The following NDST3 variants were observed in gnomAD, a reference collection of about 807,000 sequenced individuals.
The protein encoded by NDST3 is N-deacetylase and N-sulfotransferase 3.
NDST3 carries 58 observed loss-of-function variants against 96.1 expected under a neutral mutation model. That is an observed-to-expected ratio of 0.60 (90% CI 0.49 to 0.75). The LOEUF (loss-of-function observed/expected upper bound fraction) is 0.75, where lower values mean the gene tolerates loss of function less well. NDST3 is among the 30% of genes least tolerant of loss of function. NDST3 has a pLI of 0.00. For synonymous variants in NDST3, 333 were observed against 359.7 expected (o/e 0.93, Z 0.84); for missense variants, 788 against 1,034.2 (o/e 0.76, Z 3.27).
intron 1 of NDST3, among the ~76,000 whole-genome samples, chr4:118,036,878 T>G (rs977548667): frequency 6.6e-6 from 1 of 152,252 alleles, no homozygotes; most frequent in Non-Finnish European, 1.5e-5. Context: ...CTATAATTCT[T>G]GATTACCTGT....
intron 2 of NDST3, among the ~76,000 whole-genome samples, chr4:118,060,001 A>G (rs1238443350): frequency 6.6e-6 from 1 of 152,086 alleles, no homozygotes; most frequent in African/African-American, 2.4e-5. Flanking sequence ...TGCTAGATTT[A>G]CTTTATAACT....
At chr4:118,212,760 C>A (rs190528284) in intron 6 of NDST3, among the ~76,000 whole-genome samples, 1 of 152,090 alleles carries the variant, frequency 6.6e-6, no homozygotes, top group East Asian at 1.9e-4. Context: ...CAAATGAGCT[C>A]CAAAGTATAA....
At chr4:118,165,078 A>C (rs1735452789) in intron 6 of NDST3, among the ~76,000 whole-genome samples, 1 of 152,136 alleles carries the variant, frequency 6.6e-6, no homozygotes, top group South Asian at 2.1e-4. Context: ...GTGCTTCCCT[A>C]TCAGTAGTTA....
At chr4:118,222,679 A>G (rs944823472) in intron 6 of NDST3, among the ~76,000 whole-genome samples, 2 of 152,054 alleles carry the variant, frequency 1.3e-5, no homozygotes, top group South Asian at 2.1e-4. Context: ...TCAACACCTT[A>G]TAAGTATCAC....
At chr4:118,091,618 T>C (rs1258096240) in intron 2 of NDST3, among the ~76,000 whole-genome samples, 1 of 151,634 alleles carries the variant, frequency 6.6e-6, no homozygotes, top group Non-Finnish European at 1.5e-5. Context: ...TCTACTCAGG[T>C]TCTGGTGGCC....
At position 118,168,537 on chromosome 4, in the gene NDST3, TG is replaced by T. The variant is rs1168688702; in HGVS notation, c.1539+24855del. On this transcript the variant is annotated intron_variant, in intron 6 of 13. Coordinates refer to ENST00000296499, the MANE Select transcript of NDST3 (RefSeq NM_004784.3). ...GTACACAGTTGGTAAGAATGTAAAA[TG>T]GTACGGCTGCTATGGAAAACTATGG... is the stretch of plus-strand genomic sequence containing the variant. Among the ~76,000 whole-genome samples, 24 of 151,936 alleles carry T rather than the reference TG, an allele frequency of 1.6e-4. 1 individual carries two copies. The highest frequency in any genetic ancestry group is 1.4e-3 in the Admixed American group (22 of 15,234).
At chr4:118,217,370 T>G (rs1007463880) in intron 6 of NDST3, among the ~76,000 whole-genome samples, 5 of 152,042 alleles carry the variant, frequency 3.3e-5, no homozygotes, top group Admixed American at 3.3e-4. Context: ...AATGAGGCAC[T>G]TATGAGAGGG....
intron 2 of NDST3, among the ~76,000 whole-genome samples, chr4:118,066,127 TA>T (rs1560617486): frequency 3.8e-4 from 20 of 52,998 alleles, no homozygotes; most frequent in African/African-American, 1.1e-3. Flanking sequence ...ATATTATATA[TA>T]TTATATAATA....
intron 1 of NDST3, among the ~76,000 whole-genome samples, chr4:118,049,593 A>C (rs1443369498): frequency 6.6e-6 from 1 of 151,958 alleles, no homozygotes; most frequent in Non-Finnish European, 1.5e-5. Context: ...TACTATGAAT[A>C]TCTCTACTCA....
intron 1 of NDST3, among the ~76,000 whole-genome samples, chr4:118,036,916 A>T (rs1724185826): frequency 6.6e-6 from 1 of 152,174 alleles, no homozygotes; most frequent in Admixed American, 6.5e-5. Context: ...AAAATCAATT[A>T]TTGCAGTCCT....
intron 6 of NDST3, among the ~76,000 whole-genome samples, chr4:118,179,248 T>A (rs1293490663): frequency 6.6e-6 from 1 of 152,028 alleles, no homozygotes; most frequent in Non-Finnish European, 1.5e-5. Flanking sequence ...AGTCAGTATA[T>A]TTGCTTGTAA....
rs1213211080 is a variant in NDST3 at position 118,095,435 on chromosome 4, G to C, written c.982-9583G>C. Among the ~76,000 whole-genome samples, 4 of 151,782 alleles carry C rather than the reference G, an allele frequency of 2.6e-5. No individual in the cohort carries two copies. The East Asian group carries it at 7.7e-4, about 29-fold the overall frequency. Reference sequence around the variant, plus strand: ...CTTCTGGACAGTTTTCTTAAAGTCAGTGTAAAGAGCATAGGACATGTATTG... The same window carrying C: ...CTTCTGGACAGTTTTCTTAAAGTCACTGTAAAGAGCATAGGACATGTATTG... On this transcript the variant is annotated intron_variant, in intron 2 of 13. Coordinates refer to ENST00000296499, the MANE Select transcript of NDST3 (RefSeq NM_004784.3).
chr4:118,112,588 T>A (rs1730726882), intron 3 of NDST3, among the ~76,000 whole-genome samples: 1 of 152,220 alleles, frequency 6.6e-6, no homozygotes, highest in Admixed American at 6.5e-5. Context: ...CAGGGGAGTA[T>A]CTTGGTTAGA....
rs930643839 is a variant in NDST3 at position 118,205,886 on chromosome 4, G to A, written c.1540-18605G>A. On this transcript the variant is annotated intron_variant, in intron 6 of 13. Transcript: ENST00000296499. ...CTCGCTCTGTCACCCAGGCTGGAGT[G>A]CAGTGCCGCGATCTCGGCTCACTGC... 1.5e-5 allele frequency among the ~76,000 whole-genome samples: 2 copies of A among 134,620 alleles called. 1 individual carries two copies. The highest frequency in any genetic ancestry group is 1.5e-4 in the Admixed American group (2 of 13,374). The allele number at this position is 134,620 out of a possible 152,430, so 88.3% of individuals were successfully genotyped here. A position where few individuals can be genotyped will look rare whatever the true frequency, so the allele number is the denominator to read the frequency against.
At chr4:118,080,206 G>A (rs1425229341) in intron 2 of NDST3, among the ~76,000 whole-genome samples, 2 of 152,076 alleles carry the variant, frequency 1.3e-5, no homozygotes, top group Non-Finnish European at 2.9e-5. Context: ...AACGGGATGG[G>A]GAGGGTGGGA....
At chr4:118,233,577 T>C (rs1011851018) in intron 9 of NDST3, among the ~76,000 whole-genome samples, 2 of 152,188 alleles carry the variant, frequency 1.3e-5, no homozygotes, top group Admixed American at 6.5e-5. Flanking sequence ...ACTAGAAATG[T>C]TTGTATATTA....
chr4:118,153,807 G>A (rs1734562141), intron 6 of NDST3, among the ~76,000 whole-genome samples: 1 of 152,102 alleles, frequency 6.6e-6, no homozygotes, highest in Admixed American at 6.6e-5. Flanking sequence ...CTGGGCGACA[G>A]AGAGAGACTC....
intron 2 of NDST3, among the ~76,000 whole-genome samples, chr4:118,093,271 A>G (rs1053289344): frequency 2.0e-5 from 3 of 151,870 alleles, no homozygotes; most frequent in African/African-American, 7.2e-5. Flanking sequence ...GGCTTTTCCC[A>G]GATATTATCT....
At chr4:118,053,117 A>T (rs2110445128) in intron 1 of NDST3, among the ~76,000 whole-genome samples, 1 of 152,130 alleles carries the variant, frequency 6.6e-6, no homozygotes, top group South Asian at 2.1e-4. Flanking sequence ...TATTCCTCAT[A>T]TTCATCTTAC....
Sources: allele counts gnomAD v4.1 joint callset (sites outside exome capture counted in the v4.1 genomes callset), GRCh38; gene constraint gnomAD v4.1.1; transcripts MANE v1.5; gene names NCBI Gene and HGNC (gene_info 2026-07-23, HGNC 2026-07-21).